Variants in WDR47 observed in about 807,000 individuals in gnomAD.
WDR47 encodes the protein WD repeat domain 47.
A neutral mutation model predicts 97.2 loss-of-function variants in WDR47; 32 were observed. The observed-to-expected ratio is 0.33, with a 90% CI of 0.25 to 0.44. The LOEUF (loss-of-function observed/expected upper bound fraction) is 0.44. WDR47 is among the 20% of genes least tolerant of loss of function. The pLI is 1.00. For synonymous variants in WDR47, 375 were observed against 373.5 expected (o/e 1.00, Z -0.05); for missense variants, 782 against 1,102.3 (o/e 0.71, Z 4.11).
chr1:109,009,177 G>A (rs1192019832), intron 5 of WDR47, among the ~76,000 whole-genome samples: 1 of 152,172 alleles, frequency 6.6e-6, no homozygotes, highest in African/African-American at 2.4e-5. Context: ...ACTATCCTAT[G>A]TAATGTGAAA....
intron 1 of WDR47, among the ~76,000 whole-genome samples, chr1:109,038,350 T>G (rs892854908): frequency 3.3e-5 from 5 of 152,178 alleles, no homozygotes; most frequent in Admixed American, 1.3e-4. Flanking sequence ...TACTTTGGAA[T>G]AAGCTTACTT....
intron 14 of WDR47, among the ~76,000 whole-genome samples, chr1:108,973,516 C>A (rs566596542): frequency 6.6e-6 from 1 of 152,262 alleles, no homozygotes; most frequent in South Asian, 2.1e-4. Context: ...AAACTAGATA[C>A]TAAGACCTAA....
In WDR47 at chr1:109,032,136, T is replaced by G. The variant is rs1378265504; in HGVS notation, c.-9-8615A>C. On this transcript the variant is annotated intron_variant, in intron 1 of 14. Coordinates refer to ENST00000369962, the MANE Select transcript of WDR47 (RefSeq NM_001142551.2). Reference sequence around the variant, plus strand: ...TTATGAGACTAAGGACTAAGGTATGTGTGTTCTTTCCATATTCAAACCCAG... The same window carrying G: ...TTATGAGACTAAGGACTAAGGTATGGGTGTTCTTTCCATATTCAAACCCAG... Among the ~76,000 whole-genome samples the G allele has an allele frequency of 1.4e-5, 2 of 139,298 alleles. 1 individual carries two copies. The highest frequency in any genetic ancestry group is 3.2e-5 in the Non-Finnish European group (2 of 62,710). The allele number at this position is 139,298 out of a possible 152,430, so 91.4% of individuals were successfully genotyped here.
chr1:109,007,975 G>A (rs1390266683), intron 5 of WDR47, among the ~76,000 whole-genome samples: 1 of 151,946 alleles, frequency 6.6e-6, no homozygotes, highest in Admixed American at 6.6e-5. Flanking sequence ...AGTGGCGGGC[G>A]CCTGTAATCC....
Position 108,995,819 on chromosome 1 carries a change from A to C in WDR47, c.1452T>G (p.Gly484=), listed in dbSNP as rs150410604. 17 of 1,613,922 alleles carry C rather than the reference A, an allele frequency of 1.1e-5. No homozygotes were observed. The highest frequency in any genetic ancestry group is 1.3e-5 in the Non-Finnish European group (15 of 1,179,968). The change falls in exon 8 of 15, where the codon GGT becomes GGG. Residue 484 remains glycine, a synonymous_variant. Transcript: ENST00000369962. ...GGCCATCCATTCCAATATTTAATTC[A>C]CCAAGCTTTTGAATGGACCTATAAA... The part of the protein sequence containing the change: ...QFLNRSIQKL[G]ELNIGMDGLG...
At chr1:109,037,029 T>C (rs1164173070) in intron 1 of WDR47, among the ~76,000 whole-genome samples, 1 of 151,734 alleles carries the variant, frequency 6.6e-6, no homozygotes, top group African/African-American at 2.4e-5. Context: ...AAAGCTCTTC[T>C]TAAAGTTTCA....
At chr1:109,013,790 T>C (rs766207919) in intron 4 of WDR47, 51 bp downstream of exon 4, 5 of 1,585,424 alleles carry the variant, frequency 3.2e-6, no homozygotes, top group Non-Finnish European at 4.3e-6. Flanking sequence ...CTAAAATACT[T>C]ATGACTGAAA....
At chr1:108,981,695 GT>G (rs772865475) in intron 13 of WDR47, 37 bp downstream of exon 13, 3 of 1,567,768 alleles carry the variant, frequency 1.9e-6, no homozygotes, top group African/African-American at 1.4e-5. Context: ...AATTTACAAA[GT>G]TTTTTTCCCA....
intron 14 of WDR47, among the ~76,000 whole-genome samples, 161 bp from the exon 15 acceptor site, chr1:108,971,733 A>T (rs997239563): frequency 6.6e-6 from 1 of 152,188 alleles, no homozygotes; most frequent in Non-Finnish European, 1.5e-5. Context: ...TACCTACCTA[A>T]TTATGCTATT....
Position 108,974,523 on chromosome 1 carries a change from C to T in WDR47, c.2617+13G>A, listed in dbSNP as rs766747030. On this transcript the variant is annotated intron_variant, in intron 14 of 14. Coordinates refer to ENST00000369962, the MANE Select transcript of WDR47 (RefSeq NM_001142551.2). ...CAGGAAAGACTAAAAACAGAGAAGTCGATCTCAATCACCTTGTAGGTCTGT... is the reference window on the plus strand; with the variant it reads ...CAGGAAAGACTAAAAACAGAGAAGTTGATCTCAATCACCTTGTAGGTCTGT... 1 of 1,608,828 alleles carries T rather than the reference C, an allele frequency of 6.2e-7. No individual in the cohort carries two copies. The highest frequency in any genetic ancestry group is 8.5e-7 in the Non-Finnish European group (1 of 1,176,032).
chr1:109,024,782 T>G (rs947654607), intron 1 of WDR47: 1 of 152,282 alleles, frequency 6.6e-6, no homozygotes, highest in African/African-American at 2.4e-5. Context: ...ACTATAAGCA[T>G]ATCTTTCTCA....
chr1:109,027,697 T>C (rs1662309213), intron 1 of WDR47, among the ~76,000 whole-genome samples: 2 of 152,032 alleles, frequency 1.3e-5, no homozygotes, highest in African/African-American at 4.8e-5. Context: ...CTAATTTTTG[T>C]ATTTTTAGTA....
intron 1 of WDR47, among the ~76,000 whole-genome samples, chr1:109,035,623 G>A (rs1662893575): frequency 6.6e-6 from 1 of 150,842 alleles, no homozygotes; most frequent in African/African-American, 2.4e-5. Context: ...TTGGCCTCCC[G>A]AGTAGCTGGG....
At position 108,995,842 on chromosome 1, in the gene WDR47, A is replaced by G. The variant is rs1659709882; in HGVS notation, c.1434-5T>C. On this transcript the variant is annotated splice_polypyrimidine_tract_variant and splice_region_variant and intron_variant, in intron 7 of 14. Transcript: ENST00000369962. ...TCACCAAGCTTTTGAATGGACCTAT[A>G]AAATTAAACAATGTAATCATTTTAA... 1.9e-6 allele frequency: 3 copies of G among 1,611,014 alleles called. No individual in the cohort carries two copies. Among genetic ancestry groups the G allele is most frequent in the Non-Finnish European group, 2.5e-6 (3 of 1,178,108 alleles).
intron 5 of WDR47, among the ~76,000 whole-genome samples, chr1:109,009,933 G>A (rs891458579): frequency 6.6e-6 from 1 of 151,950 alleles, no homozygotes; most frequent in Non-Finnish European, 1.5e-5. Context: ...GGGAGACGGA[G>A]GTTGCAGTGA....
At chr1:108,974,233 T>C (rs1169567044) in intron 14 of WDR47, among the ~76,000 whole-genome samples, 26 of 152,082 alleles carry the variant, frequency 1.7e-4, no homozygotes. Flanking sequence ...CTCACGCCTG[T>C]AATCCCAGCA....
chr1:109,032,574 G>GA (rs947130205), intron 1 of WDR47, among the ~76,000 whole-genome samples: 2 of 150,096 alleles, frequency 1.3e-5, no homozygotes, highest in South Asian at 2.1e-4. Flanking sequence ...AAAAGGTAAA[G>GA]AAAAAAAATT....
chr1:108,983,238 T>A (rs1658484426), intron 11 of WDR47, 44 bp downstream of exon 11: 8 of 1,530,722 alleles, frequency 5.2e-6, no homozygotes, highest in Non-Finnish European at 7.0e-6. Flanking sequence ...AAACATAACA[T>A]ATACACTGGT....
chr1:109,022,943 G>A (rs924524939), intron 2 of WDR47, among the ~76,000 whole-genome samples: 8 of 150,866 alleles, frequency 5.3e-5, no homozygotes, highest in Non-Finnish European at 7.4e-5. Flanking sequence ...GGTGGCTCAC[G>A]CCTGTAATCC....
Sources: gnomAD v4.1 joint callset for allele counts (sites outside exome capture counted in the v4.1 genomes callset) on GRCh38, gnomAD v4.1.1 for gene constraint, MANE v1.5 for transcripts, NCBI Gene and HGNC (gene_info 2026-07-23, HGNC 2026-07-21) for gene names.